The following NCK2 variants were observed in gnomAD, a reference collection of about 807,000 sequenced individuals.
The protein encoded by NCK2 is NCK adaptor protein 2, also known as cytoplasmic protein NCK2.
In NCK2, 16 loss-of-function variants were observed where a neutral mutation model predicts 33.9. That is an observed-to-expected ratio of 0.47 (90% CI 0.32 to 0.72). NCK2 has a LOEUF of 0.72. Among genes scored for constraint, NCK2 ranks in the 30% least tolerant of loss-of-function variants. The pLI, the probability that NCK2 is intolerant of heterozygous loss-of-function variation, is 0.03. For missense variants in NCK2, 418 were observed against 537.3 expected (o/e 0.78, Z 2.19); for synonymous variants, 273 against 239.9 (o/e 1.14, Z -1.27).
chr2:105,866,830 C>G (rs1386074783), intron 3 of NCK2, among the ~76,000 whole-genome samples: 5 of 152,278 alleles, frequency 3.3e-5, no homozygotes, highest in Middle Eastern at 3.4e-3. Context: ...ATGAGATGTA[C>G]CCAGTAATTT....
chr2:105,770,138 A>G (rs1296879754), intron 1 of NCK2, among the ~76,000 whole-genome samples: 3 of 143,528 alleles, frequency 2.1e-5, no homozygotes, highest in Non-Finnish European at 4.7e-5. Flanking sequence ...AAAAAAAAAA[A>G]AAAAGAAAAA....
At chr2:105,773,006 C>T (rs1000399628) in intron 1 of NCK2, among the ~76,000 whole-genome samples, 24 of 151,502 alleles carry the variant, frequency 1.6e-4, no homozygotes, top group African/African-American at 4.8e-4. Flanking sequence ...ATCCTCCTGC[C>T]TCTGCCTCCT....
At chr2:105,795,199 A>G (rs1376188184) in intron 1 of NCK2, among the ~76,000 whole-genome samples, 1 of 152,152 alleles carries the variant, frequency 6.6e-6, no homozygotes, top group Non-Finnish European at 1.5e-5. Flanking sequence ...ATTTGGGTTC[A>G]CTCTTTGCGT....
At chr2:105,836,137 T>TTTTTTTTTTTTTTTG (rs1676426294) in intron 2 of NCK2, among the ~76,000 whole-genome samples, 2 of 145,080 alleles carry the variant, frequency 1.4e-5, no homozygotes, top group African/African-American at 5.4e-5. Flanking sequence ...GTTCTGTTAT[T>TTTTTTTTTTTTTTTG]AGAGAATTAC....
At chr2:105,786,070 C>T (rs1314276879) in intron 1 of NCK2, among the ~76,000 whole-genome samples, 1 of 152,122 alleles carries the variant, frequency 6.6e-6, no homozygotes, top group African/African-American at 2.4e-5. Flanking sequence ...TTCTCACGTC[C>T]CTTCCACTGC....
At chr2:105,749,349 C>T (rs1045689326) in intron 1 of NCK2, among the ~76,000 whole-genome samples, 26 of 152,168 alleles carry the variant, frequency 1.7e-4, no homozygotes, top group Admixed American at 7.2e-4. Flanking sequence ...GGGGTGCTTA[C>T]GTTGCCAAAT....
intron 2 of NCK2, among the ~76,000 whole-genome samples, chr2:105,831,807 T>C (rs890118363): frequency 5.9e-5 from 9 of 152,204 alleles, no homozygotes; most frequent in African/African-American, 2.2e-4. Flanking sequence ...TTGTAGTATA[T>C]TTTGAAGTCA....
chr2:105,892,076 G>T (rs62148193), intron 4 of NCK2, among the ~76,000 whole-genome samples: 1 of 151,882 alleles, frequency 6.6e-6, no homozygotes, highest in Non-Finnish European at 1.5e-5. Context: ...GTGGCACATC[G>T]GGAGGCTGAG....
chr2:105,893,053 T>A lies in NCK2; in HGVS notation c.1020T>A (p.Asn340Lys). 1 of 1,614,112 alleles carries A rather than the reference T, an allele frequency of 6.2e-7. No homozygotes were observed. Among genetic ancestry groups the A allele is most frequent in the Non-Finnish European group, 8.5e-7 (1 of 1,180,002 alleles). The change falls in exon 5 of 5, where the codon AAT becomes AAA. Residue 340 changes from asparagine to lysine, a missense_variant. Transcript: ENST00000233154. ...ACTTCAAGGTGCAGCTCGTGGACAA[T>A]GTCTACTGCATTGGGCAGCGGCGCT... ...NKHFKVQLVD[N>K]VYCIGQRRFH... is the part of the protein sequence containing the mutation.
chr2:105,758,414 T>G (rs1170522059), intron 1 of NCK2, among the ~76,000 whole-genome samples: 3 of 58,134 alleles, frequency 5.2e-5, no homozygotes, highest in South Asian at 4.7e-4. Context: ...GTTGTTTTTG[T>G]TTTTTTTTTT....
At chr2:105,747,369 G>A (rs1573545863) in intron 1 of NCK2, among the ~76,000 whole-genome samples, 2 of 152,144 alleles carry the variant, frequency 1.3e-5, no homozygotes, top group South Asian at 4.1e-4. Context: ...TAAGACTCCC[G>A]GAATGGCGCA....
chr2:105,891,532 A>ATTTTTTTT (rs757598660), intron 4 of NCK2, among the ~76,000 whole-genome samples: 3 of 81,350 alleles, frequency 3.7e-5, no homozygotes, highest in Non-Finnish European at 6.6e-5. Flanking sequence ...TAAAAGACCA[A>ATTTTTTTT]TTTTTTTTTT....
chr2:105,801,264 G>T (rs1330726186), intron 1 of NCK2, among the ~76,000 whole-genome samples: 1 of 152,098 alleles, frequency 6.6e-6, no homozygotes, highest in Admixed American at 6.5e-5. Context: ...TCTCCTTGGG[G>T]ACAGGACTGT....
intron 1 of NCK2, among the ~76,000 whole-genome samples, chr2:105,782,431 G>C (rs866617599): frequency 5.1e-4 from 77 of 152,184 alleles, no homozygotes; most frequent in African/African-American, 1.7e-3. Context: ...TTGAGGACTT[G>C]AGAAGAAACA....
chr2:105,847,388 AGAAAT>A (rs1676891600), intron 2 of NCK2: 1 of 152,214 alleles, frequency 6.6e-6, no homozygotes. Flanking sequence ...TTTGTAGAAA[AGAAAT>A]GATGTGGGAT....
intron 1 of NCK2, among the ~76,000 whole-genome samples, chr2:105,778,300 G>A (rs529089810): frequency 1.3e-5 from 2 of 152,202 alleles, no homozygotes; most frequent in Non-Finnish European, 2.9e-5. Flanking sequence ...CTGGAGGCAT[G>A]TGTCTCCAGC....
At chr2:105,791,294 T>C (rs564656527) in intron 1 of NCK2, among the ~76,000 whole-genome samples, 1 of 152,332 alleles carries the variant, frequency 6.6e-6, no homozygotes. Flanking sequence ...GCCACACTGA[T>C]AAGAAACTGG....
chr2:105,812,486 G>C (rs138383955), intron 1 of NCK2, among the ~76,000 whole-genome samples: 22 of 152,284 alleles, frequency 1.4e-4, no homozygotes, highest in African/African-American at 5.1e-4. Context: ...CTCAGACAGC[G>C]CTGACCCCGT....
intron 1 of NCK2, among the ~76,000 whole-genome samples, chr2:105,799,832 G>A (rs904290384): frequency 7.2e-5 from 11 of 152,108 alleles, no homozygotes; most frequent in Admixed American, 5.2e-4. Context: ...CCGCCATCTT[G>A]CCACTATGTT....
Sources: gnomAD v4.1 joint callset for allele counts (sites outside exome capture counted in the v4.1 genomes callset) on GRCh38, gnomAD v4.1.1 for gene constraint, MANE v1.5 for transcripts, NCBI Gene and HGNC (gene_info 2026-07-23, HGNC 2026-07-21) for gene names.